Variants in ADCY2 observed in about 807,000 individuals in gnomAD.
ADCY2 encodes the protein adenylate cyclase type 2.
A neutral mutation model predicts 125.2 loss-of-function variants in ADCY2; 31 were observed. That is an observed-to-expected ratio of 0.25 (90% CI 0.19 to 0.33). The LOEUF is 0.33. ADCY2 is among the 10% of genes least tolerant of loss of function. ADCY2 has a pLI of 1.00. For missense variants in ADCY2, 904 were observed against 1,418.2 expected (o/e 0.64, Z 5.82); for synonymous variants, 512 against 548.4 (o/e 0.93, Z 0.93).
intron 2 of ADCY2, among the ~76,000 whole-genome samples, chr5:7,460,567 G>GTATT (rs780905608): frequency 6.6e-6 from 1 of 152,144 alleles, no homozygotes; most frequent in Non-Finnish European, 1.5e-5. Context: ...TAGGAGCATG[G>GTATT]TATTAATTCA....
intron 15 of ADCY2, among the ~76,000 whole-genome samples, chr5:7,752,193 A>G (rs866642050): frequency 1.3e-5 from 2 of 152,242 alleles, no homozygotes; most frequent in Non-Finnish European, 2.9e-5. Context: ...TTCCTATGGG[A>G]AATTAAAGGA....
intron 4 of ADCY2, among the ~76,000 whole-genome samples, chr5:7,653,645 C>T (rs760790221): frequency 7.3e-5 from 11 of 151,694 alleles, no homozygotes; most frequent in Non-Finnish European, 1.5e-4. Flanking sequence ...CTTTTCCTGG[C>T]ACACAGAGCT....
intron 2 of ADCY2, among the ~76,000 whole-genome samples, chr5:7,482,017 G>GA (rs1742750008): frequency 6.6e-6 from 1 of 152,154 alleles, no homozygotes; most frequent in Non-Finnish European, 1.5e-5. Flanking sequence ...ATGAAGTTCT[G>GA]AAAGTCATGA....
chr5:7,635,995 G>A (rs949567179), intron 4 of ADCY2, among the ~76,000 whole-genome samples: 3 of 152,114 alleles, frequency 2.0e-5, no homozygotes, highest in African/African-American at 4.8e-5. Flanking sequence ...TGTTTAGCCT[G>A]TGGCCAGGTG....
chr5:7,424,019 G>A lies in ADCY2; in HGVS notation c.408+9249G>A, dbSNP rs185358156. Among the ~76,000 whole-genome samples the A allele has an allele frequency of 3.0e-3, 458 of 152,302 alleles. 2 individuals are homozygous for A. The highest frequency in any genetic ancestry group is 4.7e-3 in the Non-Finnish European group (320 of 68,026). On this transcript the variant is annotated intron_variant, in intron 2 of 24. Coordinates refer to ENST00000338316, the MANE Select transcript of ADCY2 (RefSeq NM_020546.3). ...CCCTAAAACCCTGATTCACCATTAT[G>A]CAATTTATGTGTGCAACAAGATTAC... is the stretch of plus-strand genomic sequence containing the variant.
At position 7,705,656 on chromosome 5, in the gene ADCY2, G is replaced by A. The variant is rs146725510; in HGVS notation, c.1110-1088G>A. Among the ~76,000 whole-genome samples, 198 of 152,306 alleles carry A rather than the reference G, an allele frequency of 1.3e-3. 1 individual carries two copies. The highest frequency in any genetic ancestry group is 4.3e-3 in the African/African-American group (180 of 41,584). On this transcript the variant is annotated intron_variant, in intron 7 of 24. Coordinates refer to ENST00000338316, the MANE Select transcript of ADCY2 (RefSeq NM_020546.3). ...CCTTGTCCTGCTGATGCTCTGGCTC[G>A]TTTTGTGGGGCAGGAAGGAAAGTTT... is the stretch of plus-strand genomic sequence containing the variant.
At chr5:7,485,405 A>G (rs1294117549) in intron 2 of ADCY2, among the ~76,000 whole-genome samples, 1 of 152,216 alleles carries the variant, frequency 6.6e-6, no homozygotes, top group Non-Finnish European at 1.5e-5. Flanking sequence ...GAACAAAAAA[A>G]GCATGAAAAA....
chr5:7,525,225 T>A (rs1734416793), intron 3 of ADCY2, among the ~76,000 whole-genome samples: 1 of 152,188 alleles, frequency 6.6e-6, no homozygotes, highest in Non-Finnish European at 1.5e-5. Context: ...CAGGCTGGTC[T>A]CGAACTCCTG....
At chr5:7,577,265 G>A (rs1736279392) in intron 3 of ADCY2, among the ~76,000 whole-genome samples, 1 of 152,098 alleles carries the variant, frequency 6.6e-6, no homozygotes, top group African/African-American at 2.4e-5. Context: ...CTTTCAATTT[G>A]AATTTCATAT....
intron 19 of ADCY2, among the ~76,000 whole-genome samples, chr5:7,784,773 GA>G (rs5865733): frequency 0.16 from 22,402 of 136,606 alleles, 2,347 homozygotes; most frequent in East Asian, 0.62. Context: ...GACACTATTT[GA>G]AAAAAAAAAA....
At chr5:7,791,632 A>G (rs1744250693) in intron 20 of ADCY2, among the ~76,000 whole-genome samples, 1 of 152,172 alleles carries the variant, frequency 6.6e-6, no homozygotes, top group South Asian at 2.1e-4. Flanking sequence ...TTTCCTATTG[A>G]TCACAGGTAA....
chr5:7,659,342 CTTT>C (rs1739448058), intron 4 of ADCY2, among the ~76,000 whole-genome samples: 1 of 152,172 alleles, frequency 6.6e-6, no homozygotes, highest in African/African-American at 2.4e-5. Context: ...AACATGACTT[CTTT>C]GTGTGTATGT....
chr5:7,524,751 A>G (rs1734398003), intron 3 of ADCY2, among the ~76,000 whole-genome samples: 1 of 152,152 alleles, frequency 6.6e-6, no homozygotes, highest in South Asian at 2.1e-4. Context: ...CCGGAGCGCA[A>G]TCAGGGCTGT....
At chr5:7,753,653 A>G (rs1742897677) in intron 15 of ADCY2, among the ~76,000 whole-genome samples, 1 of 152,156 alleles carries the variant, frequency 6.6e-6, no homozygotes, top group Non-Finnish European at 1.5e-5. Flanking sequence ...TAATTTTTCT[A>G]CAGAGCTACA....
Position 7,826,967 on chromosome 5 carries a change from C to A in ADCY2, c.*96C>A. ...CTGTCCCTTGTTTTTGATGTGCGTG[C>A]TGTCTGTCCTATGGAGCCTCTGCAG... On this transcript the variant is annotated 3_prime_UTR_variant, in exon 25 of 25. Transcript: ENST00000338316. The A allele has an allele frequency of 6.9e-7, 1 of 1,442,134 alleles. No homozygotes were observed. The allele number at this position is 1,442,134 out of a possible 1,614,324, so 89.3% of individuals were successfully genotyped here. A position where few individuals can be genotyped will look rare whatever the true frequency, so the allele number is the denominator to read the frequency against.
At chr5:7,532,762 A>G (rs1488144806) in intron 3 of ADCY2, among the ~76,000 whole-genome samples, 2 of 152,020 alleles carry the variant, frequency 1.3e-5, no homozygotes, top group African/African-American at 4.8e-5. Context: ...ATGTGGGACA[A>G]TTCTTGGATT....
intron 4 of ADCY2, among the ~76,000 whole-genome samples, chr5:7,652,723 A>G (rs1190322560): frequency 2.0e-5 from 3 of 152,198 alleles, no homozygotes; most frequent in Non-Finnish European, 2.9e-5. Context: ...CACTGATTCT[A>G]CTTGATTAAA....
At chr5:7,511,150 G>A (rs955467026) in intron 2 of ADCY2, among the ~76,000 whole-genome samples, 1 of 152,010 alleles carries the variant, frequency 6.6e-6, no homozygotes, top group Non-Finnish European at 1.5e-5. Context: ...CAAATGCAGG[G>A]ACCCATCCCA....
intron 1 of ADCY2, among the ~76,000 whole-genome samples, chr5:7,409,046 G>T (rs1739611711): frequency 2.6e-5 from 4 of 152,174 alleles, no homozygotes; most frequent in African/African-American, 7.2e-5. Context: ...ATACTATGCA[G>T]CCATGAAAAA....
Sources: gnomAD v4.1 joint callset for allele counts (sites outside exome capture counted in the v4.1 genomes callset) on GRCh38, gnomAD v4.1.1 for gene constraint, MANE v1.5 for transcripts, NCBI Gene and HGNC (gene_info 2026-07-23, HGNC 2026-07-21) for gene names.